The following BCHE variants were observed in gnomAD, a reference collection of about 807,000 sequenced individuals.
BCHE encodes the protein cholinesterase.
A neutral mutation model predicts 51.3 loss-of-function variants in BCHE; 48 were observed. The ratio of observed to expected loss-of-function variants is 0.94; its 90% CI spans 0.74 to 1.19. The LOEUF (loss-of-function observed/expected upper bound fraction) is 1.19, where lower values mean the gene tolerates loss of function less well. BCHE is among the 50% of genes most tolerant of loss of function. BCHE has a pLI of 0.00. For synonymous variants in BCHE, 251 were observed against 238.0 expected (o/e 1.05, Z -0.50); for missense variants, 847 against 708.2 (o/e 1.20, Z -2.23).
At chr3:165,809,799 A>C (rs1714022630) in intron 2 of BCHE, among the ~76,000 whole-genome samples, 1 of 152,142 alleles carries the variant, frequency 6.6e-6, no homozygotes, top group Non-Finnish European at 1.5e-5. Flanking sequence ...ATAATGATTA[A>C]ACTTACAGTA....
chr3:165,825,229 A>T (rs1305187588), intron 2 of BCHE, among the ~76,000 whole-genome samples: 1 of 152,156 alleles, frequency 6.6e-6, no homozygotes, highest in African/African-American at 2.4e-5. Context: ...TAAGTAATTT[A>T]GTAAGTAAAG....
chr3:165,786,942 T>G (rs147787285), intron 2 of BCHE, among the ~76,000 whole-genome samples: 261 of 151,886 alleles, frequency 1.7e-3, no homozygotes, highest in African/African-American at 6.1e-3. Context: ...ATTTCCAAAT[T>G]TATTTTCAGA....
At chr3:165,785,140 G>C (rs1712894142) in intron 3 of BCHE, among the ~76,000 whole-genome samples, 1 of 151,822 alleles carries the variant, frequency 6.6e-6, no homozygotes, top group Non-Finnish European at 1.5e-5. Context: ...ATACAGCTCT[G>C]AGATGCCCAT....
At chr3:165,811,884 C>T (rs1714111253) in intron 2 of BCHE, among the ~76,000 whole-genome samples, 1 of 151,886 alleles carries the variant, frequency 6.6e-6, no homozygotes, top group Non-Finnish European at 1.5e-5. Context: ...GCTTTGGTGT[C>T]AGAAAGACTT....
At chr3:165,808,047 G>A (rs1361689276) in intron 2 of BCHE, among the ~76,000 whole-genome samples, 1 of 151,784 alleles carries the variant, frequency 6.6e-6, no homozygotes, top group African/African-American at 2.4e-5. Flanking sequence ...GCAGTGGCGC[G>A]ATCTCAGCTC....
At chr3:165,817,325 G>T (rs6445067) in intron 2 of BCHE, among the ~76,000 whole-genome samples, 128,672 of 151,926 alleles carry the variant, frequency 0.85, 55,350 homozygotes, top group East Asian at 0.92. Context: ...TACACTTCAT[G>T]CTTGTGTACC....
intron 3 of BCHE, among the ~76,000 whole-genome samples, chr3:165,778,088 C>T (rs1712543284): frequency 2.0e-5 from 3 of 152,012 alleles, no homozygotes; most frequent in Admixed American, 2.0e-4. Flanking sequence ...GTTGGTGCCC[C>T]TAACCCCCAG....
chr3:165,833,865 C>A (rs1715080314), intron 1 of BCHE, among the ~76,000 whole-genome samples: 1 of 152,202 alleles, frequency 6.6e-6, no homozygotes, highest in Non-Finnish European at 1.5e-5. Context: ...GCGGTTCGTT[C>A]TAAGCTGCAA....
chr3:165,800,021 C>CGTTAT (rs1553775516), intron 2 of BCHE, among the ~76,000 whole-genome samples: 112 of 151,810 alleles, frequency 7.4e-4, no homozygotes, highest in Non-Finnish European at 1.2e-3. Flanking sequence ...CATGGAACTA[C>CGTTAT]TTTATTAGCG....
intron 2 of BCHE, among the ~76,000 whole-genome samples, chr3:165,797,954 T>C (rs1481997926): frequency 1.3e-5 from 2 of 152,222 alleles, no homozygotes; most frequent in Non-Finnish European, 2.9e-5. Flanking sequence ...ATGGGTAGTT[T>C]CAGCATATCA....
chr3:165,792,953 T>C (rs1333320351), intron 2 of BCHE, among the ~76,000 whole-genome samples: 2 of 152,156 alleles, frequency 1.3e-5, no homozygotes, highest in Non-Finnish European at 2.9e-5. Context: ...GATTTGCAAA[T>C]ACTTTTTCTC....
intron 3 of BCHE, among the ~76,000 whole-genome samples, chr3:165,778,050 T>A (rs566140897): frequency 1.1e-4 from 16 of 152,146 alleles, no homozygotes; most frequent in Middle Eastern, 3.4e-3. Flanking sequence ...GATTCAAGAG[T>A]TACAGGCAGA....
At chr3:165,789,783 A>G (rs1031774893) in intron 2 of BCHE, among the ~76,000 whole-genome samples, 4 of 152,148 alleles carry the variant, frequency 2.6e-5, no homozygotes, top group African/African-American at 9.6e-5. Context: ...AAAATAAGGA[A>G]TAGAAGGGCT....
chr3:165,800,451 T>A (rs547583984), intron 2 of BCHE, among the ~76,000 whole-genome samples: 1 of 152,112 alleles, frequency 6.6e-6, no homozygotes. Flanking sequence ...TCTTTATTAA[T>A]ACCAAATATA....
chr3:165,802,629 T>G (rs1002303517), intron 2 of BCHE, among the ~76,000 whole-genome samples: 28 of 116,776 alleles, frequency 2.4e-4, no homozygotes, highest in African/African-American at 8.0e-4. Flanking sequence ...GGAAAATTTG[T>G]TTTTTTTTTT....
intron 1 of BCHE, among the ~76,000 whole-genome samples, chr3:165,836,098 A>G (rs922072392): frequency 6.6e-6 from 1 of 151,956 alleles, no homozygotes; most frequent in Non-Finnish European, 1.5e-5. Flanking sequence ...TACATCCCAA[A>G]CATATTTTTA....
intron 2 of BCHE, among the ~76,000 whole-genome samples, chr3:165,814,841 T>C (rs539422512): frequency 2.6e-5 from 4 of 151,826 alleles, no homozygotes; most frequent in African/African-American, 9.6e-5. Flanking sequence ...ATACAAATAA[T>C]GTTTAGTATA....
At chr3:165,794,754 G>A (rs2108208856) in intron 2 of BCHE, among the ~76,000 whole-genome samples, 1 of 152,250 alleles carries the variant, frequency 6.6e-6, no homozygotes, top group Non-Finnish European at 1.5e-5. Flanking sequence ...ACAAACATGT[G>A]TGTGTGCATG....
intron 2 of BCHE, among the ~76,000 whole-genome samples, chr3:165,825,970 C>A (rs1714707666): frequency 6.6e-6 from 1 of 151,912 alleles, no homozygotes; most frequent in Non-Finnish European, 1.5e-5. Context: ...GCCAGAAGAA[C>A]AGCTAAAATT....
Sources: gnomAD v4.1 joint callset for allele counts (sites outside exome capture counted in the v4.1 genomes callset) on GRCh38, gnomAD v4.1.1 for gene constraint, MANE v1.5 for transcripts, NCBI Gene and HGNC (gene_info 2026-07-23, HGNC 2026-07-21) for gene names.